Variants in HERC1 observed in about 807,000 individuals in gnomAD.
HERC1 encodes the protein probable E3 ubiquitin-protein ligase HERC1.
Under a neutral mutation model 554.3 loss-of-function variants are expected in HERC1, and 160 were observed. That is an observed-to-expected ratio of 0.29 (90% CI 0.25 to 0.33). The LOEUF is 0.33. Ranked by LOEUF, HERC1 falls within the 10% of genes least tolerant of loss-of-function variation. The pLI is 1.00. For synonymous variants in HERC1, 2,175 were observed against 2,131.7 expected, an observed-to-expected ratio of 1.02 and a Z score of -0.56; for missense variants, 4,919 against 5,918.5, an observed-to-expected ratio of 0.83 and a Z score of 5.54.
Position 63,694,017 on chromosome 15 carries a change from T to C in HERC1, c.5621A>G (p.Glu1874Gly), listed in dbSNP as rs1000255956. The C allele has an allele frequency of 6.4e-7, 1 of 1,573,756 alleles. No individual in the cohort carries two copies. The highest frequency in any genetic ancestry group is 8.6e-7 in the Non-Finnish European group (1 of 1,158,106). ...FGEGEQEDGE[E>G]EEKKVDSSGE... The stretch of plus-strand genomic sequence containing the variant: ...ACTGGAGTCAACTTTTTTTTCTTCT[T>C]CTTCACCGTCTTCTTGCTCCCCTTC... The change falls in exon 30 of 78, where the codon GAA becomes GGA. Residue 1874 changes from glutamate (E) to glycine (G), a missense_variant. By Grantham distance (98) the Glu-to-Gly change is moderately conservative. Around this residue, in one of 11 missense-constraint regions of HERC1, gnomAD observed 1,121 missense variants for 1,244.0 expected, o/e 0.90. Coordinates refer to ENST00000443617, the MANE Select transcript of HERC1 (RefSeq NM_003922.4). This position sits in a 1 kb window ranked among gnomAD's most constrained non-coding sequence, Gnocchi z 4.3.
rs1382693041 is a variant in HERC1, at chr15:63,777,492, CT to C, written c.-26-1844del. 7.9e-5 allele frequency among the ~76,000 whole-genome samples: 12 copies of C among 152,138 alleles called. No individual in the cohort carries two copies. The East Asian group carries it at 2.3e-3, about 29-fold the overall frequency. The stretch of plus-strand genomic sequence containing the variant: ...ATAGCTGTACAGGGATACGTTGTTA[CT>C]CTAATTTGTATTTCTCTGATTACTA... On this transcript the variant is annotated intron_variant, in intron 1 of 77. Transcript: ENST00000443617.
At chr15:63,759,592 T>C (rs920519037) in intron 3 of HERC1, among the ~76,000 whole-genome samples, 5 of 152,254 alleles carry the variant, frequency 3.3e-5, no homozygotes, top group African/African-American at 1.2e-4. Flanking sequence ...TCTATTTGTT[T>C]ACTATATTTT....
intron 54 of HERC1, among the ~76,000 whole-genome samples, 154 bp downstream of exon 54, chr15:63,649,571 T>G (rs2069563157): frequency 1.3e-5 from 2 of 152,162 alleles, no homozygotes; most frequent in Admixed American, 1.3e-4. Flanking sequence ...ATCTTTCAAT[T>G]CAGTAACTAA....
rs2072271756 is a variant in HERC1, at chr15:63,694,075, G to A, written c.5563C>T (p.Gln1855Ter). 6.2e-7 allele frequency: 1 copy of A among 1,609,550 alleles called. No individual in the cohort carries two copies. Among genetic ancestry groups the A allele is most frequent in the African/African-American group, 1.3e-5 (1 of 74,800 alleles). The change falls in exon 30 of 78, where the codon CAA becomes TAA. Residue 1855 changes from glutamine to a stop codon, truncating the protein, a stop_gained. Coordinates refer to ENST00000443617, the MANE Select transcript of HERC1 (RefSeq NM_003922.4). LOFTEE classifies it high-confidence loss of function. This position sits in a 1 kb window ranked among gnomAD's most constrained non-coding sequence, Gnocchi z 4.3. ...LCSQLKNLLS[Q>*]TGVLHMASFG... ...GAGGCCATATGTAGTACACCAGTTTGGGACAATAAATTCTTCAACTGACTA... is the reference window on the plus strand; with the variant it reads ...GAGGCCATATGTAGTACACCAGTTTAGGACAATAAATTCTTCAACTGACTA...
intron 25 of HERC1, among the ~76,000 whole-genome samples, chr15:63,699,421 T>C (rs941565807): frequency 4.6e-5 from 7 of 152,204 alleles, no homozygotes; most frequent in Non-Finnish European, 7.3e-5. Context: ...AATTTAACAT[T>C]ATCATTACAA....
At chr15:63,804,098 T>C (rs966524614) in intron 1 of HERC1, among the ~76,000 whole-genome samples, 4 of 152,156 alleles carry the variant, frequency 2.6e-5, no homozygotes, top group African/African-American at 7.2e-5. Context: ...AAAATAAACC[T>C]TGACCCTAAT....
At chr15:63,645,425 G>C (rs543095832) in intron 56 of HERC1, 58 bp downstream of exon 56, 11 of 1,286,620 alleles carry the variant, frequency 8.5e-6, no homozygotes, top group South Asian at 1.5e-5. Flanking sequence ...ACTTAATGCA[G>C]ATAACAGTCT....
chr15:63,818,119 C>T (rs888083149), intron 1 of HERC1, among the ~76,000 whole-genome samples: 1 of 152,004 alleles, frequency 6.6e-6, no homozygotes, highest in Non-Finnish European at 1.5e-5. Context: ...TTAACAATAT[C>T]TAACCAATTT....
intron 13 of HERC1, among the ~76,000 whole-genome samples, chr15:63,733,688 C>T (rs1283952388): frequency 6.6e-6 from 1 of 151,408 alleles, no homozygotes; most frequent in Non-Finnish European, 1.5e-5. Context: ...ACCCCCTCTA[C>T]AAAAAATACA....
chr15:63,722,562 T>C (rs2073866264), intron 19 of HERC1, among the ~76,000 whole-genome samples: 2 of 152,238 alleles, frequency 1.3e-5, no homozygotes, highest in South Asian at 2.1e-4. Context: ...TTAAATTGCA[T>C]GCCCTTCTGA....
At chr15:63,766,416 T>C (rs2075779359) in intron 2 of HERC1, among the ~76,000 whole-genome samples, 1 of 151,970 alleles carries the variant, frequency 6.6e-6, no homozygotes, top group African/African-American at 2.4e-5. Flanking sequence ...GGTAAAACCT[T>C]GTCTCTACTA....
chr15:63,648,291 T>G (rs894924589), intron 54 of HERC1, 92 bp from the exon 55 acceptor site: 1 of 1,233,200 alleles, frequency 8.1e-7, no homozygotes, highest in Non-Finnish European at 1.1e-6. Flanking sequence ...ATAATGATAA[T>G]GCAACCATTG....
chr15:63,635,947 A>T lies in HERC1; in HGVS notation c.12414+14T>A. 1 of 1,611,938 alleles carries T rather than the reference A, an allele frequency of 6.2e-7. No homozygotes were observed. Among genetic ancestry groups the T allele is most frequent in the Non-Finnish European group, 8.5e-7 (1 of 1,178,970 alleles). On this transcript the variant is annotated intron_variant, in intron 65 of 77. Coordinates refer to ENST00000443617, the MANE Select transcript of HERC1 (RefSeq NM_003922.4). ...TTTACAATGAAAGGCAAACTTATCC[A>T]TTTCCTGCCTGACCTGCACCACTTC... is the stretch of plus-strand genomic sequence containing the variant.
chr15:63,636,126 C>G lies in HERC1; in HGVS notation c.12249G>C (p.Gln4083His). ...ISALQGFVVT[Q>H]LVTSCGSDGH... ...CATCAGAACCACAGGAAGTCACCAG[C>G]TGGGTCACCACAAAGCCTGGAACAG... The change falls in exon 65 of 78, where the codon CAG becomes CAC. Residue 4083 changes from glutamine (Q) to histidine (H), a missense_variant. Gln to His is a conservative substitution (Grantham distance 24, BLOSUM62 0). Around this residue, in one of 11 missense-constraint regions of HERC1, gnomAD observed 122 missense variants for 195.2 expected, o/e 0.63. Transcript: ENST00000443617. 2.5e-6 allele frequency: 4 copies of G among 1,613,838 alleles called. No homozygotes were observed. Among genetic ancestry groups the G allele is most frequent in the Non-Finnish European group, 3.4e-6 (4 of 1,179,844 alleles).
intron 10 of HERC1, among the ~76,000 whole-genome samples, chr15:63,748,114 T>C (rs1315341920): frequency 6.6e-6 from 1 of 151,952 alleles, no homozygotes; most frequent in African/African-American, 2.4e-5. Flanking sequence ...TAGTCCCAGT[T>C]ACCCAGGAGG....
intron 1 of HERC1, among the ~76,000 whole-genome samples, chr15:63,821,726 C>CAAAAAAA (rs35074987): frequency 6.4e-5 from 4 of 62,470 alleles, no homozygotes; most frequent in African/African-American, 2.8e-4. Flanking sequence ...TACCCTGTCT[C>CAAAAAAA]AAAAAAAAAA....
intron 2 of HERC1, among the ~76,000 whole-genome samples, chr15:63,774,288 C>T (rs1190983270): frequency 6.6e-6 from 1 of 152,172 alleles, no homozygotes; most frequent in African/African-American, 2.4e-5. Context: ...GCTGTTGCCC[C>T]AAGGTGTAGA....
At chr15:63,787,960 CAAAAAAAA>C (rs375499946) in intron 1 of HERC1, among the ~76,000 whole-genome samples, 1 of 45,648 alleles carries the variant, frequency 2.2e-5, no homozygotes, top group African/African-American at 8.4e-5. Context: ...GACCCTGTCT[CAAAAAAAA>C]AAAAAAAAAA....
chr15:63,632,054 T>C lies in HERC1; in HGVS notation c.12796+655A>G, dbSNP rs540577809. Among the ~76,000 whole-genome samples, 4 of 152,320 alleles carry C rather than the reference T, an allele frequency of 2.6e-5. No homozygotes were observed. In the East Asian group the frequency reaches 5.8e-4, roughly 22 times the overall value. ...CAGATCTAAATTCTCAATAGCCTAG[T>C]GGACATTTCCACACATTTATTTAGG... On this transcript the variant is annotated intron_variant, in intron 68 of 77. Coordinates refer to ENST00000443617, the MANE Select transcript of HERC1 (RefSeq NM_003922.4).
Sources: gnomAD v4.1 joint callset for allele counts (sites outside exome capture counted in the v4.1 genomes callset) on GRCh38, gnomAD v4.1.1 for gene constraint, gnomAD v4.1.1 regional missense constraint, Gnocchi (gnomAD v3.1) non-coding constraint, MANE v1.5 for transcripts, NCBI Gene and HGNC (gene_info 2026-07-23, HGNC 2026-07-21) for gene names.